Variants in SUMF1 observed in about 807,000 individuals in gnomAD.
SUMF1 encodes sulfatase modifying factor 1.
SUMF1 carries 48 observed loss-of-function variants against 47.6 expected under a neutral mutation model. The observed-to-expected ratio is 1.01, with a 90% confidence interval of 0.80 to 1.28. SUMF1 has a LOEUF of 1.28. Among genes scored for constraint, SUMF1 ranks in the 50% most tolerant of loss-of-function variants. The pLI is 0.00. For synonymous variants in SUMF1, 230 were observed against 192.1 expected (o/e 1.20, Z -1.63); for missense variants, 571 against 485.4 (o/e 1.18, Z -1.66).
chr3:4,101,158 T>C lies in SUMF1; in HGVS notation c.1015-32413A>G, dbSNP rs187544152. Among the ~76,000 whole-genome samples the C allele has an allele frequency of 4.0e-4, 60 of 151,366 alleles. No individual in the cohort carries two copies. The South Asian group carries it at 0.011, about 27-fold the overall frequency. On this transcript the variant is annotated intron_variant and NMD_transcript_variant, in intron 8 of 12. Coordinates refer to the SUMF1 transcript ENST00000448413. The stretch of plus-strand genomic sequence containing the variant: ...ATTACCAGGTATATACCCAGGGGAA[T>C]TGAAATCAGTATGTTAAAAAAAAGT...
At chr3:4,138,164 G>C (rs1344427602) in intron 8 of SUMF1, among the ~76,000 whole-genome samples, 1 of 152,108 alleles carries the variant, frequency 6.6e-6, no homozygotes, top group African/African-American at 2.4e-5. Context: ...TAAATGGAAA[G>C]ATAATCTGTG....
intron 8 of SUMF1, among the ~76,000 whole-genome samples, chr3:4,183,832 A>G (rs1269133944): frequency 1.3e-5 from 2 of 152,180 alleles, no homozygotes; most frequent in Non-Finnish European, 2.9e-5. Flanking sequence ...TCACAAGGTA[A>G]TGGGCTACTT....
At chr3:4,275,707 A>T (rs1697400168) in intron 8 of SUMF1, among the ~76,000 whole-genome samples, 1 of 152,180 alleles carries the variant, frequency 6.6e-6, no homozygotes, top group South Asian at 2.1e-4. Context: ...GTTTGGACAA[A>T]ATCAGAATTC....
intron 8 of SUMF1, among the ~76,000 whole-genome samples, chr3:4,098,610 T>C (rs1196150028): frequency 1.3e-5 from 2 of 152,146 alleles, no homozygotes; most frequent in East Asian, 1.9e-4. Flanking sequence ...GCCTATTTTT[T>C]CTGTGATAAA....
chr3:4,455,587 C>T (rs1022727112), intron 1 of SUMF1, among the ~76,000 whole-genome samples: 16 of 152,104 alleles, frequency 1.1e-4, no homozygotes, highest in Admixed American at 8.5e-4. Flanking sequence ...TGTTGTGGCA[C>T]ACGCCTGTAA....
intron 8 of SUMF1, among the ~76,000 whole-genome samples, chr3:4,288,358 C>G (rs1697676713): frequency 6.6e-6 from 1 of 152,096 alleles, no homozygotes; most frequent in Non-Finnish European, 1.5e-5. Context: ...TTTTCTGTGT[C>G]TTTCTACTTT....
chr3:4,241,041 T>A lies in SUMF1; in HGVS notation c.1014+135289A>T, dbSNP rs539251036. Reference sequence around the variant, plus strand: ...CACATTTATATGTGTAGAAAGCACATTTATATCAGTAGAAAGTAATTAGTA... The same window carrying A: ...CACATTTATATGTGTAGAAAGCACAATTATATCAGTAGAAAGTAATTAGTA... On this transcript the variant is annotated intron_variant and NMD_transcript_variant, in intron 8 of 12. Coordinates refer to the SUMF1 transcript ENST00000448413. 3.1e-4 allele frequency among the ~76,000 whole-genome samples: 47 copies of A among 152,202 alleles called. No individual in the cohort carries two copies. In the South Asian group the frequency reaches 9.3e-3, roughly 30 times the overall value.
intron 8 of SUMF1, among the ~76,000 whole-genome samples, chr3:4,260,045 G>T (rs1697051813): frequency 6.6e-6 from 1 of 151,172 alleles, no homozygotes; most frequent in Non-Finnish European, 1.5e-5. Flanking sequence ...AAAGAGTAAT[G>T]ATCTAGTTCA....
intron 8 of SUMF1, among the ~76,000 whole-genome samples, chr3:4,355,908 G>A (rs976556631): frequency 9.2e-5 from 14 of 152,178 alleles, no homozygotes; most frequent in African/African-American, 3.4e-4. Context: ...ATCTGAAGCT[G>A]AAAAATTCCG....
At position 4,302,092 on chromosome 3, in the gene SUMF1, G is replaced by C. The variant is rs193266556; in HGVS notation, c.1014+74238C>G. On this transcript the variant is annotated intron_variant and NMD_transcript_variant, in intron 8 of 12. Coordinates refer to the SUMF1 transcript ENST00000448413. The stretch of plus-strand genomic sequence containing the variant: ...TGGGACCTCAGAAGCTGCAAGGTCA[G>C]AAGGGTTTGTGAACCCAAAATTATC... 8.1e-4 allele frequency among the ~76,000 whole-genome samples: 124 copies of C among 152,336 alleles called. 1 individual carries two copies. Among genetic ancestry groups the C allele is most frequent in the African/African-American group, 2.9e-3 (122 of 41,570 alleles).
At chr3:4,347,706 T>G (rs566886824) in intron 8 of SUMF1, among the ~76,000 whole-genome samples, 15 of 152,122 alleles carry the variant, frequency 9.9e-5, no homozygotes, top group Non-Finnish European at 1.8e-4. Context: ...GAGAAAGAAA[T>G]AAAGGGTATT....
chr3:4,231,984 G>A (rs142783510), intron 8 of SUMF1, among the ~76,000 whole-genome samples: 2,044 of 152,252 alleles, frequency 0.013, 30 homozygotes, highest in Non-Finnish European at 0.023. Flanking sequence ...TGGTATTGAA[G>A]AGAATTATTT....
At chr3:4,230,073 T>A (rs6799533) in intron 8 of SUMF1, among the ~76,000 whole-genome samples, 54,974 of 151,898 alleles carry the variant, frequency 0.36, 10,859 homozygotes, top group Non-Finnish European at 0.45. Context: ...CGATAGTTTT[T>A]TTTTTTTAGA....
intron 8 of SUMF1, among the ~76,000 whole-genome samples, chr3:4,091,412 T>C (rs1001520058): frequency 6.6e-6 from 1 of 152,126 alleles, no homozygotes. Context: ...TATATGTGCA[T>C]GAGGGTGTAC....
chr3:4,152,847 T>C (rs1470482407), intron 8 of SUMF1, among the ~76,000 whole-genome samples: 1 of 151,440 alleles, frequency 6.6e-6, no homozygotes, highest in African/African-American at 2.5e-5. Context: ...GTAATATCAT[T>C]GTTACTGATG....
intron 7 of SUMF1, among the ~76,000 whole-genome samples, 180 bp from the exon 8 acceptor site, chr3:4,376,569 A>G (rs923993758): frequency 6.6e-6 from 1 of 152,042 alleles, no homozygotes. Context: ...CACCTCCCCA[A>G]ATCCTACCCA....
chr3:4,124,868 C>A (rs891845097), intron 8 of SUMF1, among the ~76,000 whole-genome samples: 3 of 150,602 alleles, frequency 2.0e-5, no homozygotes, highest in Admixed American at 1.3e-4. Flanking sequence ...ATCTAATATA[C>A]ACTTATATAC....
chr3:4,297,002 G>A (rs973836537), intron 8 of SUMF1, among the ~76,000 whole-genome samples: 1 of 152,038 alleles, frequency 6.6e-6, no homozygotes, highest in African/African-American at 2.4e-5. Context: ...TTGGAAGACG[G>A]ACTTTCCCCT....
intron 8 of SUMF1, among the ~76,000 whole-genome samples, chr3:4,241,896 T>C (rs1331104441): frequency 1.3e-5 from 2 of 152,170 alleles, no homozygotes; most frequent in Admixed American, 6.5e-5. Flanking sequence ...GTTGGACCAG[T>C]TGTGACATTT....
Sources: gnomAD v4.1 joint callset for allele counts (sites outside exome capture counted in the v4.1 genomes callset) on GRCh38, gnomAD v4.1.1 for gene constraint, MANE v1.5 for transcripts, NCBI Gene and HGNC (gene_info 2026-07-23, HGNC 2026-07-21) for gene names.